CDIN1: variants seen among roughly 807,000 people sequenced by gnomAD.
The protein encoded by CDIN1 is CDAN1 interacting nuclease 1.
CDIN1 carries 33 observed loss-of-function variants against 45.3 expected under a neutral mutation model. The ratio of observed to expected loss-of-function variants is 0.73; its 90% confidence interval spans 0.55 to 0.97. The LOEUF (loss-of-function observed/expected upper bound fraction) is 0.97. Among genes scored for constraint, CDIN1 ranks in the 50% least tolerant of loss-of-function variants. The pLI, the probability that CDIN1 is intolerant of heterozygous loss-of-function variation, is 0.00. For synonymous variants in CDIN1, 118 were observed against 124.4 expected (o/e 0.95, Z 0.34); for missense variants, 303 against 339.4 (o/e 0.89, Z 0.84).
intron 1 of CDIN1, chr15:36,613,517 G>C: frequency 3.9e-6 from 6 of 1,544,266 alleles, no homozygotes; most frequent in South Asian, 1.1e-5. Flanking sequence ...CAAGATCCAG[G>C]TTGTGCAGCA....
At chr15:36,719,131 A>AG (rs2140872779) in intron 10 of CDIN1, among the ~76,000 whole-genome samples, 1 of 152,078 alleles carries the variant, frequency 6.6e-6, no homozygotes, top group African/African-American at 2.4e-5. Flanking sequence ...CTGAGATGGG[A>AG]GGATCACTTG....
At chr15:36,675,880 T>G (rs1253854212) in intron 5 of CDIN1, among the ~76,000 whole-genome samples, 2 of 152,088 alleles carry the variant, frequency 1.3e-5, no homozygotes, top group Non-Finnish European at 2.9e-5. Flanking sequence ...GGTATTTGTC[T>G]CTCCTTAAAA....
At chr15:36,645,158 C>A in intron 2 of CDIN1, 65 bp from the exon 3 acceptor site, 1 of 1,288,376 alleles carries the variant, frequency 7.8e-7, no homozygotes, top group Non-Finnish European at 1.1e-6. Flanking sequence ...TAATGTCATT[C>A]TTGTTTTGAA....
chr15:36,677,361 A>G (rs2041683682), intron 5 of CDIN1, among the ~76,000 whole-genome samples: 1 of 152,134 alleles, frequency 6.6e-6, no homozygotes, highest in Non-Finnish European at 1.5e-5. Context: ...TGAATAAAAG[A>G]AAAGGTTAAG....
intron 10 of CDIN1, among the ~76,000 whole-genome samples, chr15:36,757,197 T>A (rs2053631732): frequency 6.6e-6 from 1 of 152,142 alleles, no homozygotes; most frequent in Non-Finnish European, 1.5e-5. Context: ...CACCTTAAAT[T>A]TGTGCTCTGT....
intron 7 of CDIN1, among the ~76,000 whole-genome samples, chr15:36,696,100 G>A (rs1042171555): frequency 1.1e-4 from 16 of 151,896 alleles, no homozygotes; most frequent in African/African-American, 3.4e-4. Context: ...TCTAGGCCTC[G>A]GTTTTCTCAT....
intron 1 of CDIN1, among the ~76,000 whole-genome samples, chr15:36,599,434 C>T (rs1274571174): frequency 6.6e-6 from 1 of 152,082 alleles, no homozygotes; most frequent in African/African-American, 2.4e-5. Context: ...AAATAAATCA[C>T]AGGAGGTGAA....
At chr15:36,783,047 A>G (rs979806542) in intron 10 of CDIN1, among the ~76,000 whole-genome samples, 2 of 152,334 alleles carry the variant, frequency 1.3e-5, no homozygotes, top group African/African-American at 4.8e-5. Context: ...TCATTGGGAT[A>G]ATACTATAAA....
At chr15:36,780,853 C>T (rs981122087) in intron 10 of CDIN1, among the ~76,000 whole-genome samples, 1 of 152,172 alleles carries the variant, frequency 6.6e-6, no homozygotes, top group Non-Finnish European at 1.5e-5. Flanking sequence ...ACTCCAAGGA[C>T]ATTTCATAGC....
At chr15:36,755,887 G>C in intron 10 of CDIN1, 1 of 297,506 alleles carries the variant, frequency 3.4e-6, no homozygotes. Flanking sequence ...TTTTATTCAG[G>C]GTTGAATATA....
intron 7 of CDIN1, among the ~76,000 whole-genome samples, chr15:36,694,398 T>C (rs2042353073): frequency 6.6e-6 from 1 of 152,210 alleles, no homozygotes; most frequent in South Asian, 2.1e-4. Flanking sequence ...GTAAATTACA[T>C]CATGATGTGA....
chr15:36,772,927 G>A (rs1207064750), intron 10 of CDIN1, among the ~76,000 whole-genome samples: 2 of 152,194 alleles, frequency 1.3e-5, no homozygotes, highest in Non-Finnish European at 2.9e-5. Context: ...CAAGAAACTA[G>A]TAGTATTAGC....
intron 1 of CDIN1, among the ~76,000 whole-genome samples, chr15:36,629,940 C>T (rs900145279): frequency 2.6e-5 from 4 of 151,984 alleles, no homozygotes; most frequent in Admixed American, 6.6e-5. Flanking sequence ...TTTTAGGTAA[C>T]TTTTCAGGTA....
At chr15:36,788,255 G>A (rs947122909) in intron 10 of CDIN1, among the ~76,000 whole-genome samples, 1 of 150,976 alleles carries the variant, frequency 6.6e-6, no homozygotes, top group African/African-American at 2.4e-5. Context: ...TAGCTGGGAT[G>A]ACAGGCATGC....
chr15:36,690,560 G>A (rs746537252), intron 5 of CDIN1, among the ~76,000 whole-genome samples: 4 of 152,012 alleles, frequency 2.6e-5, no homozygotes, highest in South Asian at 2.1e-4. Context: ...GAGCCACCGC[G>A]CCTGGCCACT....
At chr15:36,791,374 G>A (rs1221533093) in intron 10 of CDIN1, among the ~76,000 whole-genome samples, 1 of 152,150 alleles carries the variant, frequency 6.6e-6, no homozygotes, top group Non-Finnish European at 1.5e-5. Flanking sequence ...AAACTATCTA[G>A]TGGAGGAGAT....
intron 1 of CDIN1, among the ~76,000 whole-genome samples, chr15:36,605,330 T>G (rs2038309848): frequency 6.6e-6 from 1 of 152,164 alleles, no homozygotes; most frequent in South Asian, 2.1e-4. Context: ...TTTAATAAAG[T>G]TTATATAAAT....
intron 10 of CDIN1, among the ~76,000 whole-genome samples, chr15:36,737,860 TAATA>T (rs1214951354): frequency 6.6e-6 from 1 of 152,192 alleles, no homozygotes; most frequent in East Asian, 1.9e-4. Flanking sequence ...TCATACTTAT[TAATA>T]AAGATAATAT....
At chr15:36,792,146 C>T (rs1019687578) in intron 10 of CDIN1, among the ~76,000 whole-genome samples, 1 of 152,172 alleles carries the variant, frequency 6.6e-6, no homozygotes, top group Admixed American at 6.5e-5. Context: ...CTTCTAACTC[C>T]TCTTCACATT....
Sources: allele counts gnomAD v4.1 joint callset (sites outside exome capture counted in the v4.1 genomes callset), GRCh38; gene constraint gnomAD v4.1.1; transcripts MANE v1.5; gene names NCBI Gene and HGNC (gene_info 2026-07-23, HGNC 2026-07-21).